GIPC2: variants seen among roughly 807,000 people sequenced by gnomAD.
GIPC2 encodes PDZ domain-containing protein GIPC2.
GIPC2 carries 30 observed loss-of-function variants against 30.6 expected under a neutral mutation model. That is an observed-to-expected ratio of 0.98 (90% CI 0.73 to 1.33). GIPC2 has a LOEUF of 1.33. Among genes scored for constraint, GIPC2 ranks in the 40% most tolerant of loss-of-function variants. The probability of loss-of-function intolerance (pLI) is 0.00; values close to 1 mark genes in which losing one functional copy is unlikely to be tolerated. For synonymous variants in GIPC2, 167 were observed against 150.0 expected (o/e 1.11, Z -0.83); for missense variants, 414 against 390.3 (o/e 1.06, Z -0.51).
chr1:78,051,226 G>T (rs1369937330), intron 1 of GIPC2, among the ~76,000 whole-genome samples: 1 of 150,686 alleles, frequency 6.6e-6, no homozygotes, highest in Non-Finnish European at 1.5e-5. Context: ...ATTGATCCTT[G>T]GACATTAAAA....
chr1:78,122,382 G>A (rs1277182308), intron 4 of GIPC2, among the ~76,000 whole-genome samples: 6 of 152,134 alleles, frequency 3.9e-5, no homozygotes, highest in Non-Finnish European at 7.3e-5. Context: ...GTATTAGTCC[G>A]TTTTCACACT....
At chr1:78,120,811 G>A (rs780771194) in intron 4 of GIPC2, among the ~76,000 whole-genome samples, 19 of 152,090 alleles carry the variant, frequency 1.2e-4, no homozygotes, top group African/African-American at 4.1e-4. Context: ...ACCTCCCACC[G>A]GGTCCCTCCC....
At chr1:78,117,460 A>G (rs1174719533) in intron 3 of GIPC2, among the ~76,000 whole-genome samples, 3 of 152,204 alleles carry the variant, frequency 2.0e-5, no homozygotes, top group African/African-American at 7.2e-5. Context: ...AAACTGTTCC[A>G]CCTCAGATCA....
At chr1:78,065,760 C>G (rs1020366172) in intron 1 of GIPC2, among the ~76,000 whole-genome samples, 1 of 152,162 alleles carries the variant, frequency 6.6e-6, no homozygotes, top group Non-Finnish European at 1.5e-5. Context: ...CTACAATTAT[C>G]TGGTCCTTGA....
chr1:78,078,405 C>T (rs1295355779), intron 1 of GIPC2, among the ~76,000 whole-genome samples: 1 of 152,142 alleles, frequency 6.6e-6, no homozygotes, highest in African/African-American at 2.4e-5. Flanking sequence ...TCTTATTCCA[C>T]CTTGCAGTGG....
intron 1 of GIPC2, among the ~76,000 whole-genome samples, chr1:78,075,725 C>A (rs1661705995): frequency 6.6e-6 from 1 of 152,218 alleles, no homozygotes; most frequent in Admixed American, 6.5e-5. Flanking sequence ...CCTCCTATAT[C>A]TTATAAGCTG....
chr1:78,084,520 A>G (rs1166941465), intron 2 of GIPC2, among the ~76,000 whole-genome samples: 2 of 151,648 alleles, frequency 1.3e-5, no homozygotes, highest in Non-Finnish European at 1.5e-5. Context: ...CAAAAAAAAA[A>G]AAAAAAAATT....
intron 4 of GIPC2, among the ~76,000 whole-genome samples, chr1:78,119,892 C>G (rs957229274): frequency 6.6e-6 from 1 of 152,304 alleles, no homozygotes. Context: ...TGACTCTTTT[C>G]GTTCATGTCC....
chr1:78,063,581 AG>A (rs1027013679), intron 1 of GIPC2, among the ~76,000 whole-genome samples: 1 of 149,118 alleles, frequency 6.7e-6, no homozygotes, highest in Non-Finnish European at 1.5e-5. Flanking sequence ...ATTTGAAAAG[AG>A]TAAGAATAAG....
chr1:78,080,983 G>T, intron 2 of GIPC2, 123 bp downstream of exon 2: 1 of 480,730 alleles, frequency 2.1e-6, no homozygotes, highest in Non-Finnish European at 3.7e-6. Flanking sequence ...TGCATGAATT[G>T]GTAATGTTTC....
intron 3 of GIPC2, among the ~76,000 whole-genome samples, chr1:78,095,653 G>T (rs192210378): frequency 6.6e-6 from 1 of 152,054 alleles, no homozygotes; most frequent in South Asian, 2.1e-4. Context: ...CCACTTTGGG[G>T]TGACATCTGT....
At chr1:78,092,083 T>A in intron 2 of GIPC2, 2 of 1,415,272 alleles carry the variant, frequency 1.4e-6, no homozygotes, top group Non-Finnish European at 2.0e-6. Flanking sequence ...CCCCCGGCTT[T>A]GTGTCTGTGG....
chr1:78,083,928 A>G (rs1661879082), intron 2 of GIPC2, among the ~76,000 whole-genome samples: 1 of 152,106 alleles, frequency 6.6e-6, no homozygotes. Context: ...AGAATCAACT[A>G]TTTCTCTCAG....
At chr1:78,073,098 C>T (rs1661653862) in intron 1 of GIPC2, among the ~76,000 whole-genome samples, 1 of 150,946 alleles carries the variant, frequency 6.6e-6, no homozygotes, top group African/African-American at 2.4e-5. Context: ...CATGAGCCAC[C>T]ATGCCCGGCC....
chr1:78,091,429 C>T (rs1285552231), intron 2 of GIPC2: 10 of 568,170 alleles, frequency 1.8e-5, no homozygotes, highest in African/African-American at 1.7e-4. Flanking sequence ...GCCGCAGGGG[C>T]GGAGCCAGGG....
chr1:78,088,741 GGCTGAGGTGGGAGAATT>G lies in GIPC2; in HGVS notation c.427-6207_427-6191del, dbSNP rs1179429236. On this transcript the variant is annotated intron_variant, in intron 2 of 5. Coordinates refer to ENST00000370759, the MANE Select transcript of GIPC2 (RefSeq NM_017655.6). ...CACCTATAGTACCAGCTACTCATGAGGCTGAGGTGGGAGAATTGCTTGAGCCTGGGGAACTCAAGGTT... is the reference window on the plus strand; with the variant it reads ...CACCTATAGTACCAGCTACTCATGAGGCTTGAGCCTGGGGAACTCAAGGTT... 6.6e-5 allele frequency among the ~76,000 whole-genome samples: 10 copies of G among 151,744 alleles called. No homozygotes were observed. In the East Asian group the frequency reaches 1.9e-3, roughly 29 times the overall value.
At chr1:78,066,886 G>A (rs1488541472) in intron 1 of GIPC2, among the ~76,000 whole-genome samples, 3 of 152,220 alleles carry the variant, frequency 2.0e-5, no homozygotes, top group Non-Finnish European at 4.4e-5. Context: ...CTAGTGGAGG[G>A]TGGAGGATGG....
chr1:78,056,167 C>T (rs1319148055), intron 1 of GIPC2, among the ~76,000 whole-genome samples: 1 of 152,152 alleles, frequency 6.6e-6, no homozygotes, highest in Non-Finnish European at 1.5e-5. Context: ...TGGGCAAAGA[C>T]TGGCAGTTAG....
intron 3 of GIPC2, among the ~76,000 whole-genome samples, chr1:78,103,880 T>C (rs1164987751): frequency 6.6e-6 from 1 of 152,212 alleles, no homozygotes; most frequent in African/African-American, 2.4e-5. Context: ...CAGGGATCAA[T>C]GTCCTGTTCT....
Sources: gnomAD v4.1 joint callset for allele counts (sites outside exome capture counted in the v4.1 genomes callset) on GRCh38, gnomAD v4.1.1 for gene constraint, MANE v1.5 for transcripts, NCBI Gene and HGNC (gene_info 2026-07-23, HGNC 2026-07-21) for gene names.